Variants in GCNT1 observed in about 807,000 individuals in gnomAD.
GCNT1 encodes the protein glucosaminyl (N-acetyl) transferase 1.
GCNT1 carries 16 observed loss-of-function variants against 26.2 expected under a neutral mutation model. The ratio of observed to expected loss-of-function variants is 0.61; its 90% CI spans 0.41 to 0.93. The LOEUF (loss-of-function observed/expected upper bound fraction) is 0.93. Among genes scored for constraint, GCNT1 ranks in the 40% least tolerant of loss-of-function variants. The pLI, the probability that GCNT1 is intolerant of heterozygous loss-of-function variation, is 0.00. For synonymous variants in GCNT1, 183 were observed against 190.8 expected, an observed-to-expected ratio of 0.96 and a Z score of 0.34; for missense variants, 477 against 526.7, an observed-to-expected ratio of 0.91 and a Z score of 0.92.
At chr9:76,405,442 A>G in the GCNT1 span, among the ~76,000 whole-genome samples, 21 of 152,228 alleles carry the variant, frequency 1.4e-4, no homozygotes, top group African/African-American at 5.1e-4. Flanking sequence ...TTGGAGTTAT[A>G]CATTCTATGG....
At position 76,474,123 on chromosome 9, in the gene GCNT1, T is replaced by A. The variant is rs1007791550; in HGVS notation, c.-290+13946T>A. Among the ~76,000 whole-genome samples the A allele has an allele frequency of 5.3e-5, 8 of 152,122 alleles. No homozygotes were observed. In the East Asian group the frequency reaches 1.5e-3, roughly 29 times the overall value. On this transcript the variant is annotated intron_variant, in intron 2 of 3. Transcript: ENST00000376730. ...TCAGAAAAAGAAAGAAAAGAAAAGA[T>A]TCAGCCACTAGTAATCAAAGAAATC...
chr9:76,404,126 C>G, the GCNT1 span, among the ~76,000 whole-genome samples: 3,914 of 152,242 alleles, frequency 0.026, 158 homozygotes, highest in African/African-American at 0.088. Flanking sequence ...CTCTCAAATT[C>G]ATGATACCTT....
chr9:76,484,060 A>C (rs927277002), intron 2 of GCNT1, among the ~76,000 whole-genome samples: 2 of 152,236 alleles, frequency 1.3e-5, no homozygotes, highest in Non-Finnish European at 2.9e-5. Flanking sequence ...TATGTGGGTT[A>C]TATCTATTGG....
the GCNT1 span, among the ~76,000 whole-genome samples, chr9:76,411,836 G>A: frequency 6.6e-6 from 1 of 151,156 alleles, no homozygotes; most frequent in African/African-American, 2.4e-5. Flanking sequence ...TGAGTAGCTG[G>A]GACTACAGGC....
chr9:76,445,655 A>C (rs981247582), intron 1 of GCNT1, among the ~76,000 whole-genome samples: 4 of 151,830 alleles, frequency 2.6e-5, no homozygotes, highest in African/African-American at 9.7e-5. Flanking sequence ...GGCCTCCCTC[A>C]GTTTTTACTT....
rs750711164 is a variant in GCNT1, at chr9:76,503,630, C to T, written c.1249C>T (p.His417Tyr). Residue 417 changes from histidine (H) to tyrosine (Y), a missense_variant, in exon 4 of 4, where the codon CAT becomes TAT. Coordinates refer to ENST00000376730, the MANE Select transcript of GCNT1 (RefSeq NM_001490.5). ...DLFAIQCLDEHLRHKALETLK... is the reference protein window; with the variant it reads ...DLFAIQCLDEYLRHKALETLK... The stretch of plus-strand genomic sequence containing the variant: ...CTTTGCCATCCAGTGTTTGGATGAG[C>T]ATTTGAGACACAAAGCTTTGGAGAC... The T allele has an allele frequency of 9.9e-6, 16 of 1,613,804 alleles. No homozygotes were observed. Among genetic ancestry groups the T allele is most frequent in the Non-Finnish European group, 1.4e-5 (16 of 1,179,952 alleles).
chr9:76,465,428 T>C lies in GCNT1; in HGVS notation c.-290+5251T>C, dbSNP rs1823974146. 2.0e-5 allele frequency among the ~76,000 whole-genome samples: 3 copies of C among 152,254 alleles called. No individual in the cohort carries two copies. In the South Asian group the frequency reaches 6.2e-4, roughly 32 times the overall value. On this transcript the variant is annotated intron_variant, in intron 2 of 3. Coordinates refer to ENST00000376730, the MANE Select transcript of GCNT1 (RefSeq NM_001490.5). ...TGTGAGCCACCGCACCTGGCCTAAT[T>C]TGAGTTTGTAAAATGATCGCTGTTG...
At chr9:76,491,369 C>G (rs1824733203) in intron 2 of GCNT1, among the ~76,000 whole-genome samples, 1 of 152,228 alleles carries the variant, frequency 6.6e-6, no homozygotes, top group Non-Finnish European at 1.5e-5. Flanking sequence ...GGTTTTTGCA[C>G]TGCATGCAAT....
At chr9:76,472,115 A>C (rs1389560606) in intron 2 of GCNT1, among the ~76,000 whole-genome samples, 1 of 151,580 alleles carries the variant, frequency 6.6e-6, no homozygotes, top group African/African-American at 2.4e-5. Flanking sequence ...GTCCCTGCTA[A>C]AAATTAAAAA....
Position 76,465,186 on chromosome 9 carries a change from G to A in GCNT1, c.-290+5009G>A, listed in dbSNP as rs1823966796. Among the ~76,000 whole-genome samples the A allele has an allele frequency of 2.0e-5, 3 of 150,660 alleles. No individual in the cohort carries two copies. The South Asian group carries it at 6.3e-4, about 31-fold the overall frequency. On this transcript the variant is annotated intron_variant, in intron 2 of 3. Transcript: ENST00000376730. ...TTTTTTTTATTTTTTTTTAGACGGA[G>A]CCTTGCTCTGTCACCCAGACTGGAG...
At chr9:76,449,515 A>T (rs545322159) in intron 1 of GCNT1, among the ~76,000 whole-genome samples, 1 of 152,244 alleles carries the variant, frequency 6.6e-6, no homozygotes, top group African/African-American at 2.4e-5. Flanking sequence ...GCCCTCTCCC[A>T]TACCAGAATA....
chr9:76,437,612 A>G (rs1457662981), upstream of GCNT1, among the ~76,000 whole-genome samples: 1 of 152,122 alleles, frequency 6.6e-6, no homozygotes, highest in East Asian at 1.9e-4. Flanking sequence ...TTACTTTTCT[A>G]CTATACTTGT....
chr9:76,402,071 T>C, the GCNT1 span, among the ~76,000 whole-genome samples: 2 of 152,224 alleles, frequency 1.3e-5, no homozygotes, highest in African/African-American at 4.8e-5. Context: ...AGATGAGGGC[T>C]ACAGTTGTCT....
intron 2 of GCNT1, among the ~76,000 whole-genome samples, chr9:76,476,725 T>G (rs1824261880): frequency 6.6e-6 from 1 of 152,158 alleles, no homozygotes; most frequent in South Asian, 2.1e-4. Flanking sequence ...TAACAGTAAA[T>G]GTGCACAGGC....
In GCNT1 at chr9:76,503,395, C is replaced by T. The variant is rs138924307; in HGVS notation, c.1014C>T (p.Ala338=). The part of the protein sequence containing the change: ...RIPEVPGSLP[A]SHKYDLSDMQ... ...CTGAAGTCCCGGGCTCACTCCCTGC[C>T]AGCCATAAGTATGATCTGTCTGACA... Residue 338 remains alanine (A), a synonymous_variant, in exon 4 of 4, where the codon GCC becomes GCT. Coordinates refer to ENST00000376730, the MANE Select transcript of GCNT1 (RefSeq NM_001490.5). 81 of 1,614,050 alleles carry T rather than the reference C, an allele frequency of 5.0e-5. No homozygotes were observed. The highest frequency in any genetic ancestry group is 3.3e-4 in the Middle Eastern group (2 of 6,084).
chr9:76,498,525 C>A (rs1261732835), intron 2 of GCNT1, among the ~76,000 whole-genome samples: 1 of 152,098 alleles, frequency 6.6e-6, no homozygotes, highest in Non-Finnish European at 1.5e-5. Context: ...GTAATCCCAG[C>A]ACTTTAGGAG....
chr9:76,472,824 C>G (rs1451647758), intron 2 of GCNT1, among the ~76,000 whole-genome samples: 1 of 149,498 alleles, frequency 6.7e-6, no homozygotes, highest in Non-Finnish European at 1.5e-5. Flanking sequence ...TCTCAGCTCA[C>G]TGCAACTTCT....
intron 1 of GCNT1, among the ~76,000 whole-genome samples, chr9:76,425,764 GT>G (rs1429304149): frequency 6.6e-6 from 1 of 152,134 alleles, no homozygotes; most frequent in Non-Finnish European, 1.5e-5. Flanking sequence ...GGACAATTTG[GT>G]GTGTCAGGGC....
At chr9:76,452,570 C>A (rs1823688774) in intron 1 of GCNT1, among the ~76,000 whole-genome samples, 3 of 152,088 alleles carry the variant, frequency 2.0e-5, no homozygotes, top group Non-Finnish European at 2.9e-5. Context: ...GAAGGGGAAG[C>A]AGGTACATCT....
Sources: gnomAD v4.1 joint callset for allele counts (sites outside exome capture counted in the v4.1 genomes callset) on GRCh38, gnomAD v4.1.1 for gene constraint, MANE v1.5 for transcripts, NCBI Gene and HGNC (gene_info 2026-07-23, HGNC 2026-07-21) for gene names.